Variants in CAMK1D observed in about 807,000 individuals in gnomAD.
The protein encoded by CAMK1D is calcium/calmodulin-dependent protein kinase type 1D.
CAMK1D carries 9 observed loss-of-function variants against 47.7 expected under a neutral mutation model. The observed-to-expected ratio is 0.19, with a 90% CI of 0.11 to 0.33. The LOEUF is 0.33. CAMK1D is among the 10% of genes least tolerant of loss of function. CAMK1D has a pLI of 1.00. For synonymous variants in CAMK1D, 184 were observed against 184.9 expected (o/e 0.99, Z 0.04); for missense variants, 291 against 488.7 (o/e 0.60, Z 3.81).
intron 1 of CAMK1D, among the ~76,000 whole-genome samples, chr10:12,528,605 C>A (rs1835702518): frequency 6.6e-6 from 1 of 152,042 alleles, no homozygotes; most frequent in East Asian, 1.9e-4. Context: ...GGGTCTAAGC[C>A]CACCTCCTGA....
intron 3 of CAMK1D, among the ~76,000 whole-genome samples, chr10:12,711,532 A>G (rs961116562): frequency 1.3e-5 from 2 of 152,200 alleles, no homozygotes; most frequent in Non-Finnish European, 2.9e-5. Context: ...TTGTCAGAGT[A>G]TGGAGATCCT....
At chr10:12,376,442 C>T (rs1052312594) in intron 1 of CAMK1D, among the ~76,000 whole-genome samples, 6 of 152,142 alleles carry the variant, frequency 3.9e-5, no homozygotes, top group African/African-American at 4.8e-5. Context: ...TTTCCAGAGC[C>T]GGCTTTGAGC....
intron 1 of CAMK1D, among the ~76,000 whole-genome samples, chr10:12,370,061 A>G (rs1054935568): frequency 2.6e-5 from 4 of 152,050 alleles, no homozygotes; most frequent in African/African-American, 9.7e-5. Context: ...ACCAGGTGTT[A>G]CATACTGTGG....
At chr10:12,617,879 G>A (rs1012754478) in intron 2 of CAMK1D, among the ~76,000 whole-genome samples, 2 of 152,126 alleles carry the variant, frequency 1.3e-5, no homozygotes, top group Admixed American at 1.3e-4. Context: ...AACGTGAAGT[G>A]GTATGCTCTT....
At chr10:12,518,436 G>A (rs1167395446) in intron 1 of CAMK1D, among the ~76,000 whole-genome samples, 1 of 151,896 alleles carries the variant, frequency 6.6e-6, no homozygotes, top group African/African-American at 2.4e-5. Context: ...GCCCTTTAAT[G>A]TCTATAGGGT....
intron 6 of CAMK1D, among the ~76,000 whole-genome samples, chr10:12,792,580 A>C (rs1838022757): frequency 6.6e-6 from 1 of 152,206 alleles, no homozygotes; most frequent in Non-Finnish European, 1.5e-5. Flanking sequence ...TGCTGGAAAC[A>C]TTCCCCCACT....
intron 1 of CAMK1D, among the ~76,000 whole-genome samples, chr10:12,509,770 A>C (rs1243941327): frequency 6.6e-6 from 1 of 152,168 alleles, no homozygotes; most frequent in Non-Finnish European, 1.5e-5. Flanking sequence ...GTGACTTCTA[A>C]GTGGTTCTTG....
intron 2 of CAMK1D, among the ~76,000 whole-genome samples, chr10:12,559,714 G>A (rs72769702): frequency 0.091 from 13,795 of 152,214 alleles, 746 homozygotes; most frequent in South Asian, 0.15. Context: ...CCACTGACTG[G>A]GCTCAGGAGT....
In CAMK1D at chr10:12,443,283, A is replaced by G. The variant is rs557479234; in HGVS notation, c.92+93373A>G. ...ATATGATGGGTGCTCACTCTACACC[A>G]GGTACCATGGTCAAACAGAGAGGGC... On this transcript the variant is annotated intron_variant, in intron 1 of 10. Transcript: ENST00000619168. Among the ~76,000 whole-genome samples the G allele has an allele frequency of 7.9e-5, 12 of 152,354 alleles. No homozygotes were observed. In the South Asian group the frequency reaches 2.5e-3, roughly 32 times the overall value.
intron 2 of CAMK1D, among the ~76,000 whole-genome samples, chr10:12,594,366 C>T (rs1838083189): frequency 6.6e-6 from 1 of 152,210 alleles, no homozygotes; most frequent in Admixed American, 6.5e-5. Flanking sequence ...TTTTGTTCAA[C>T]CACGTTTAAG....
At chr10:12,360,392 T>A (rs1471279375) in intron 1 of CAMK1D, among the ~76,000 whole-genome samples, 1 of 152,142 alleles carries the variant, frequency 6.6e-6, no homozygotes, top group Non-Finnish European at 1.5e-5. Context: ...GAAAAATTTG[T>A]GGATGGAGAG....
chr10:12,545,300 A>C (rs1002900060), intron 1 of CAMK1D, among the ~76,000 whole-genome samples: 3 of 152,092 alleles, frequency 2.0e-5, no homozygotes, highest in African/African-American at 7.2e-5. Flanking sequence ...AAACAAAAAA[A>C]CTAGCTGGAC....
chr10:12,409,473 G>A (rs909609497), intron 1 of CAMK1D, among the ~76,000 whole-genome samples: 4 of 152,134 alleles, frequency 2.6e-5, no homozygotes, highest in Admixed American at 2.0e-4. Context: ...TTTTAGTGGC[G>A]GGCTCTTGCT....
intron 1 of CAMK1D, among the ~76,000 whole-genome samples, chr10:12,465,391 T>G (rs779546235): frequency 2.0e-5 from 3 of 152,182 alleles, no homozygotes; most frequent in Non-Finnish European, 4.4e-5. Context: ...GTCTCACTCT[T>G]TCACCCAGGC....
chr10:12,508,018 G>A (rs561699955), intron 1 of CAMK1D, among the ~76,000 whole-genome samples: 17 of 152,264 alleles, frequency 1.1e-4, no homozygotes, highest in African/African-American at 4.1e-4. Flanking sequence ...TGTCCCTGGC[G>A]CGTTGATTTG....
chr10:12,419,184 A>G (rs1178433738), intron 1 of CAMK1D, among the ~76,000 whole-genome samples: 2 of 152,026 alleles, frequency 1.3e-5, no homozygotes, highest in Admixed American at 6.6e-5. Context: ...TGACTTTACC[A>G]TATATTTTCC....
intron 6 of CAMK1D, among the ~76,000 whole-genome samples, chr10:12,812,004 C>T (rs2131072610): frequency 6.6e-6 from 1 of 152,304 alleles, no homozygotes; most frequent in East Asian, 1.9e-4. Flanking sequence ...CCTAAGGCAA[C>T]CTTGTGGGGA....
intron 8 of CAMK1D, among the ~76,000 whole-genome samples, chr10:12,817,675 T>G (rs1832851482): frequency 6.6e-6 from 1 of 152,170 alleles, no homozygotes; most frequent in Non-Finnish European, 1.5e-5. Context: ...AAATGCTTAG[T>G]TAATTGTAGC....
chr10:12,580,726 G>A (rs573271530), intron 2 of CAMK1D, among the ~76,000 whole-genome samples: 218 of 152,282 alleles, frequency 1.4e-3, no homozygotes, highest in Admixed American at 3.4e-3. Context: ...GGTCCTATGG[G>A]GAACCCCAGG....
Sources: allele counts gnomAD v4.1 joint callset (sites outside exome capture counted in the v4.1 genomes callset), GRCh38; gene constraint gnomAD v4.1.1; transcripts MANE v1.5; gene names NCBI Gene and HGNC (gene_info 2026-07-23, HGNC 2026-07-21).